Variants in ARHGAP15 observed in about 807,000 individuals in gnomAD.
The protein encoded by ARHGAP15 is rho GTPase-activating protein 15.
Under a neutral mutation model 63.7 loss-of-function variants are expected in ARHGAP15, and 51 were observed. That is an observed-to-expected ratio of 0.80 (90% confidence interval 0.64 to 1.01). The LOEUF is 1.01. Ranked by LOEUF, ARHGAP15 falls within the 50% of genes least tolerant of loss-of-function variation. The pLI, the probability that ARHGAP15 is intolerant of heterozygous loss-of-function variation, is 0.00. For missense variants in ARHGAP15, 560 were observed against 564.6 expected, an observed-to-expected ratio of 0.99 and a Z score of 0.08; for synonymous variants, 191 against 193.8, an observed-to-expected ratio of 0.99 and a Z score of 0.12.
intron 6 of ARHGAP15, among the ~76,000 whole-genome samples, chr2:143,333,264 CAGTT>C (rs1684627636): frequency 6.6e-6 from 1 of 152,158 alleles, no homozygotes; most frequent in South Asian, 2.1e-4. Flanking sequence ...ATACTTTCCT[CAGTT>C]AGACTGTTGT....
intron 1 of ARHGAP15, among the ~76,000 whole-genome samples, chr2:143,134,889 G>C (rs1184241793): frequency 6.6e-6 from 1 of 152,016 alleles, no homozygotes; most frequent in African/African-American, 2.4e-5. Flanking sequence ...TGCCCACCTT[G>C]ACCTCCCAAA....
In ARHGAP15 at chr2:143,550,921, T is replaced by C. The variant is rs189874868; in HGVS notation, c.926-5487T>C. On this transcript the variant is annotated intron_variant, in intron 10 of 13. Coordinates refer to ENST00000295095, the MANE Select transcript of ARHGAP15 (RefSeq NM_018460.4). ...TGGGAAGGGAAGTGGTAGAGAGAAG[T>C]AAGAGTAAATATACTGCTTTGTTTT... Among the ~76,000 whole-genome samples the C allele has an allele frequency of 2.3e-3, 350 of 152,236 alleles. 4 individuals carry two copies. The highest frequency in any genetic ancestry group is 8.4e-3 in the African/African-American group (348 of 41,540).
At chr2:143,301,697 T>G (rs1682905146) in intron 6 of ARHGAP15, among the ~76,000 whole-genome samples, 1 of 151,880 alleles carries the variant, frequency 6.6e-6, no homozygotes, top group Non-Finnish European at 1.5e-5. Flanking sequence ...GTATACAAAA[T>G]TTGTATATAA....
At chr2:143,223,441 G>A (rs7597991) in intron 4 of ARHGAP15, among the ~76,000 whole-genome samples, 20,711 of 152,084 alleles carry the variant, frequency 0.14, 1,494 homozygotes, top group Middle Eastern at 0.24. Flanking sequence ...TGAACTGTGT[G>A]TCTTAGTTAC....
At position 143,738,871 on chromosome 2, in the gene ARHGAP15, A is replaced by C. The variant is rs181059265; in HGVS notation, c.1245-29118A>C. Among the ~76,000 whole-genome samples the C allele has an allele frequency of 1.2e-4, 18 of 152,306 alleles. No homozygotes were observed. The East Asian group carries it at 3.5e-3, about 29-fold the overall frequency. ...CTGGTTGGTCCCATTCCTTGGTTCA[A>C]GCCTCCGCCCATGATTCAAACAGCC... On this transcript the variant is annotated intron_variant, in intron 13 of 13. Coordinates refer to ENST00000295095, the MANE Select transcript of ARHGAP15 (RefSeq NM_018460.4).
intron 6 of ARHGAP15, among the ~76,000 whole-genome samples, chr2:143,318,302 G>A (rs750707113): frequency 7.2e-5 from 11 of 151,872 alleles, no homozygotes; most frequent in South Asian, 4.2e-4. Context: ...CACCATGCCC[G>A]TCCCATAAAA....
intron 6 of ARHGAP15, among the ~76,000 whole-genome samples, chr2:143,302,854 A>G (rs1682968546): frequency 6.6e-6 from 1 of 152,080 alleles, no homozygotes; most frequent in Admixed American, 6.6e-5. Context: ...TGGTGAGGAT[A>G]AACAAAAGGG....
intron 4 of ARHGAP15, among the ~76,000 whole-genome samples, chr2:143,225,607 AAAAACAAAACAAAACAAAAC>A: frequency 6.6e-6 from 1 of 152,054 alleles, no homozygotes; most frequent in Non-Finnish European, 1.5e-5. Flanking sequence ...CTCCGTCTCA[AAAAACAAAACAAAACAAAAC>A]AAAACAAAAC....
chr2:143,585,735 T>G (rs4662343), intron 11 of ARHGAP15, among the ~76,000 whole-genome samples: 1 of 151,974 alleles, frequency 6.6e-6, no homozygotes, highest in Non-Finnish European at 1.5e-5. Flanking sequence ...GTACAATTAT[T>G]CTTCCTTCCA....
intron 5 of ARHGAP15, among the ~76,000 whole-genome samples, chr2:143,241,722 G>C (rs186631935): frequency 2.6e-5 from 4 of 152,326 alleles, no homozygotes; most frequent in African/African-American, 9.6e-5. Context: ...ATTCACCTCT[G>C]CCACAGCGAG....
intron 5 of ARHGAP15, among the ~76,000 whole-genome samples, chr2:143,248,910 CTGTA>C (rs1456069030): frequency 2.6e-5 from 4 of 152,138 alleles, no homozygotes; most frequent in African/African-American, 9.7e-5. Flanking sequence ...CCTGACTTGA[CTGTA>C]TGGGAAAAAT....
At chr2:143,295,930 C>T (rs1212994848) in intron 6 of ARHGAP15, among the ~76,000 whole-genome samples, 1 of 151,924 alleles carries the variant, frequency 6.6e-6, no homozygotes, top group Non-Finnish European at 1.5e-5. Context: ...TCACCTTCTA[C>T]TCATTTCAAC....
intron 2 of ARHGAP15, among the ~76,000 whole-genome samples, chr2:143,178,505 T>C (rs540722175): frequency 3.9e-4 from 59 of 152,362 alleles, no homozygotes; most frequent in African/African-American, 1.4e-3. Context: ...GATGTCTGTA[T>C]TGAAGAATTC....
At chr2:143,651,024 A>T (rs1006228107) in intron 12 of ARHGAP15, among the ~76,000 whole-genome samples, 2 of 152,082 alleles carry the variant, frequency 1.3e-5, no homozygotes, top group Non-Finnish European at 2.9e-5. Context: ...TTCATACATA[A>T]GACTGTCAAT....
intron 12 of ARHGAP15, among the ~76,000 whole-genome samples, chr2:143,666,341 G>A (rs1682181787): frequency 6.6e-6 from 1 of 152,014 alleles, no homozygotes; most frequent in Non-Finnish European, 1.5e-5. Flanking sequence ...TTTAATAAAT[G>A]GTGCTGGGAT....
chr2:143,359,146 G>C (rs905709049), intron 6 of ARHGAP15, among the ~76,000 whole-genome samples: 3 of 152,142 alleles, frequency 2.0e-5, no homozygotes, highest in African/African-American at 7.2e-5. Context: ...TTTCTATTAA[G>C]TGGTAGGAAC....
intron 11 of ARHGAP15, among the ~76,000 whole-genome samples, chr2:143,605,813 C>T (rs926749467): frequency 2.8e-5 from 4 of 140,770 alleles, no homozygotes; most frequent in Non-Finnish European, 6.0e-5. Flanking sequence ...CAGGAGTTCG[C>T]GAACAGCCTG....
chr2:143,342,437 T>G (rs1180102825), intron 6 of ARHGAP15, among the ~76,000 whole-genome samples: 1 of 152,096 alleles, frequency 6.6e-6, no homozygotes. Flanking sequence ...ATAAAGGGAT[T>G]TTTAATGTGA....
intron 12 of ARHGAP15, among the ~76,000 whole-genome samples, chr2:143,627,295 G>A (rs1197103801): frequency 6.6e-6 from 1 of 152,082 alleles, no homozygotes; most frequent in African/African-American, 2.4e-5. Flanking sequence ...CAACCAACAG[G>A]GTAATGGGGC....
Sources: allele counts gnomAD v4.1 joint callset (sites outside exome capture counted in the v4.1 genomes callset), GRCh38; gene constraint gnomAD v4.1.1; transcripts MANE v1.5; gene names NCBI Gene and HGNC (gene_info 2026-07-23, HGNC 2026-07-21).